The following GRIA1 variants were observed in gnomAD, a reference collection of about 807,000 sequenced individuals.
GRIA1 encodes glutamate ionotropic receptor AMPA type subunit 1.
Under a neutral mutation model 99.2 loss-of-function variants are expected in GRIA1, and 31 were observed. The ratio of observed to expected loss-of-function variants is 0.31; its 90% CI spans 0.23 to 0.42. The LOEUF (loss-of-function observed/expected upper bound fraction) is 0.42. GRIA1 is among the 10% of genes least tolerant of loss of function. The pLI is 1.00. For synonymous variants in GRIA1, 438 were observed against 432.4 expected (o/e 1.01, Z -0.16); for missense variants, 782 against 1,157.5 (o/e 0.68, Z 4.71).
intron 2 of GRIA1, among the ~76,000 whole-genome samples, chr5:153,639,746 G>C (rs1753656861): frequency 6.6e-6 from 1 of 152,210 alleles, no homozygotes; most frequent in Non-Finnish European, 1.5e-5. Context: ...CCTAGCACCA[G>C]CTTGCTGCCT....
upstream of GRIA1, chr5:153,490,421 C>T (rs1190109725): frequency 2.2e-5 from 4 of 182,858 alleles, no homozygotes; most frequent in African/African-American, 9.5e-5. Context: ...CCACCTCCAC[C>T]TTTCTGCACA....
chr5:153,741,176 G>A (rs572382630), intron 11 of GRIA1, among the ~76,000 whole-genome samples: 4 of 151,920 alleles, frequency 2.6e-5, no homozygotes, highest in East Asian at 3.9e-4. Flanking sequence ...TGGTTTCACC[G>A]TGTTAGCCAG....
intron 2 of GRIA1, among the ~76,000 whole-genome samples, chr5:153,518,764 T>C (rs1756857773): frequency 6.6e-6 from 1 of 152,124 alleles, no homozygotes; most frequent in Non-Finnish European, 1.5e-5. Context: ...TTAAACTACA[T>C]AAAAATGCAT....
At chr5:153,521,625 T>C (rs1205695871) in intron 2 of GRIA1, among the ~76,000 whole-genome samples, 1 of 152,150 alleles carries the variant, frequency 6.6e-6, no homozygotes, top group African/African-American at 2.4e-5. Context: ...AGGGGACCAA[T>C]TTGCTTCCTT....
chr5:153,687,838 C>T lies in GRIA1; in HGVS notation c.1134+1509C>T, dbSNP rs924986316. Among the ~76,000 whole-genome samples, 14 of 152,338 alleles carry T rather than the reference C, an allele frequency of 9.2e-5. No individual in the cohort carries two copies. The South Asian group carries it at 2.1e-3, about 23-fold the overall frequency. ...CATTCATTAAGGCTATGTCAGTTGT[C>T]TATTGCTGCTGTACAAATTACCACA... On this transcript the variant is annotated intron_variant, in intron 8 of 15. Transcript: ENST00000285900.
At chr5:153,561,251 T>G (rs1271908762) in intron 2 of GRIA1, among the ~76,000 whole-genome samples, 1 of 152,168 alleles carries the variant, frequency 6.6e-6, no homozygotes, top group East Asian at 1.9e-4. Flanking sequence ...ATCAGAGAAT[T>G]GGACTCAGAA....
intron 2 of GRIA1, among the ~76,000 whole-genome samples, chr5:153,508,375 A>G (rs1195558470): frequency 6.6e-6 from 1 of 152,176 alleles, no homozygotes; most frequent in East Asian, 1.9e-4. Flanking sequence ...ATTAATTGTA[A>G]TTTAAAAAGT....
intron 2 of GRIA1, among the ~76,000 whole-genome samples, chr5:153,609,170 A>G (rs6863948): frequency 0.23 from 35,075 of 152,090 alleles, 4,475 homozygotes; most frequent in Non-Finnish European, 0.3. Context: ...TGCTTACTCT[A>G]GAATTAGTAA....
At chr5:153,615,742 G>A (rs1050719098) in intron 2 of GRIA1, among the ~76,000 whole-genome samples, 1 of 152,070 alleles carries the variant, frequency 6.6e-6, no homozygotes, top group African/African-American at 2.4e-5. Context: ...GCATATATTA[G>A]GTCATCTTTA....
chr5:153,682,836 A>T (rs1487708043), intron 7 of GRIA1, among the ~76,000 whole-genome samples: 1 of 152,108 alleles, frequency 6.6e-6, no homozygotes, highest in Non-Finnish European at 1.5e-5. Context: ...GTGCTGATTA[A>T]TTTTTTCTTT....
chr5:153,600,525 G>A (rs1764852390), intron 2 of GRIA1, among the ~76,000 whole-genome samples: 1 of 151,620 alleles, frequency 6.6e-6, no homozygotes, highest in Non-Finnish European at 1.5e-5. Flanking sequence ...GTTTTTGACT[G>A]TGGAAAGTCA....
At chr5:153,729,176 T>C (rs982041856) in intron 11 of GRIA1, among the ~76,000 whole-genome samples, 4 of 150,462 alleles carry the variant, frequency 2.7e-5, no homozygotes, top group African/African-American at 7.4e-5. Context: ...TAGGTGGGAA[T>C]TGAACAATGA....
At chr5:153,553,344 A>C (rs1170731139) in intron 2 of GRIA1, among the ~76,000 whole-genome samples, 1 of 152,222 alleles carries the variant, frequency 6.6e-6, no homozygotes, top group Non-Finnish European at 1.5e-5. Flanking sequence ...CATAAGACAG[A>C]GTGAAAGACT....
intron 11 of GRIA1, among the ~76,000 whole-genome samples, chr5:153,741,491 T>C (rs750718562): frequency 6.6e-5 from 10 of 152,144 alleles, no homozygotes; most frequent in Non-Finnish European, 1.5e-4. Flanking sequence ...GTTGCCAAAA[T>C]ATGGAAATAA....
At chr5:153,537,374 G>A (rs889359840) in intron 2 of GRIA1, among the ~76,000 whole-genome samples, 30 of 152,128 alleles carry the variant, frequency 2.0e-4, no homozygotes, top group African/African-American at 7.0e-4. Flanking sequence ...CTAGCGAAGG[G>A]CCCCGTGGAG....
At chr5:153,774,963 C>G (rs1031619909) in intron 13 of GRIA1, among the ~76,000 whole-genome samples, 1 of 152,156 alleles carries the variant, frequency 6.6e-6, no homozygotes. Context: ...TTCTTTGAAA[C>G]AGATGCTGTT....
intron 2 of GRIA1, among the ~76,000 whole-genome samples, chr5:153,515,001 T>C (rs1756476947): frequency 1.3e-5 from 2 of 152,188 alleles, no homozygotes; most frequent in South Asian, 4.1e-4. Context: ...CCTTGTATAC[T>C]GTTGGAAATC....
intron 5 of GRIA1, among the ~76,000 whole-genome samples, chr5:153,673,922 C>G (rs937552782): frequency 1.3e-5 from 2 of 152,172 alleles, no homozygotes; most frequent in South Asian, 4.1e-4. Flanking sequence ...GAAAAGAGCA[C>G]AGGGTGAGGA....
chr5:153,499,811 A>G (rs954253190), intron 2 of GRIA1, among the ~76,000 whole-genome samples: 1 of 152,094 alleles, frequency 6.6e-6, no homozygotes, highest in African/African-American at 2.4e-5. Context: ...CAGGCATTAA[A>G]GGGTGGAGCA....
Sources: gnomAD v4.1 joint callset for allele counts (sites outside exome capture counted in the v4.1 genomes callset) on GRCh38, gnomAD v4.1.1 for gene constraint, MANE v1.5 for transcripts, NCBI Gene and HGNC (gene_info 2026-07-23, HGNC 2026-07-21) for gene names.